SIL1: variants seen among roughly 807,000 people sequenced by gnomAD.
SIL1 encodes the protein SIL1 nucleotide exchange factor, also known as nucleotide exchange factor SIL1.
SIL1 carries 40 observed loss-of-function variants against 49.1 expected under a neutral mutation model. The ratio of observed to expected loss-of-function variants is 0.81; its 90% CI spans 0.63 to 1.06. The LOEUF is 1.06. Ranked by LOEUF, SIL1 falls within the 50% of genes least tolerant of loss-of-function variation. The pLI, the probability that SIL1 is intolerant of heterozygous loss-of-function variation, is 0.00. For synonymous variants in SIL1, 253 were observed against 250.8 expected (o/e 1.01, Z -0.08); for missense variants, 500 against 572.6 (o/e 0.87, Z 1.29).
At position 139,075,139 on chromosome 5, in the gene SIL1, A is replaced by C. The variant is rs561794910; in HGVS notation, c.245-24093T>G. ...TGCCTGGCCAGAATCTCTTTTTATG[A>C]GGTTATGTTTAATACTAAACACCCA... is the stretch of plus-strand genomic sequence containing the variant. On this transcript the variant is annotated intron_variant, in intron 3 of 9. Transcript: ENST00000394817. Among the ~76,000 whole-genome samples the C allele has an allele frequency of 9.9e-5, 15 of 152,224 alleles. No homozygotes were observed. In the East Asian group the frequency reaches 2.3e-3, roughly 23 times the overall value.
At chr5:139,152,603 A>G (rs1199331950) in intron 1 of SIL1, among the ~76,000 whole-genome samples, 1 of 150,692 alleles carries the variant, frequency 6.6e-6, no homozygotes, top group African/African-American at 2.4e-5. Context: ...CCTGGGTGAT[A>G]GAGTGAGACA....
intron 3 of SIL1, among the ~76,000 whole-genome samples, chr5:139,086,648 C>T (rs775411041): frequency 3.6e-4 from 55 of 151,934 alleles, no homozygotes; most frequent in Non-Finnish European, 6.9e-4. Context: ...TAAGCCACCG[C>T]GCCTGGCCAT....
intron 5 of SIL1, chr5:139,035,212 C>T (rs1768875715): frequency 2.3e-6 from 1 of 434,774 alleles, no homozygotes; most frequent in Non-Finnish European, 4.5e-6. Context: ...AGGTGACGGC[C>T]ATCAACACTG....
intron 3 of SIL1, among the ~76,000 whole-genome samples, chr5:139,089,719 A>T (rs1770300848): frequency 6.6e-6 from 1 of 152,216 alleles, no homozygotes; most frequent in South Asian, 2.1e-4. Context: ...TCATGTATGT[A>T]TGACTCCATT....
chr5:139,095,313 G>GA (rs1313604398), intron 3 of SIL1, among the ~76,000 whole-genome samples: 5 of 149,512 alleles, frequency 3.3e-5, no homozygotes, highest in Non-Finnish European at 4.4e-5. Flanking sequence ...TCCCAGGCTG[G>GA]AGTACGGTGG....
intron 6 of SIL1, among the ~76,000 whole-genome samples, chr5:139,026,570 T>C (rs772614239): frequency 6.6e-6 from 1 of 152,154 alleles, no homozygotes. Flanking sequence ...GCCACTGCAC[T>C]CCAGGCTGGG....
intron 1 of SIL1, among the ~76,000 whole-genome samples, chr5:139,146,701 A>C (rs996444944): frequency 1.3e-5 from 2 of 152,186 alleles, no homozygotes; most frequent in African/African-American, 2.4e-5. Flanking sequence ...TTTATCATGA[A>C]TGTGTGTTAA....
At chr5:139,187,983 TGCC>T (rs1752104835) in intron 1 of SIL1, 7 of 153,032 alleles carry the variant, frequency 4.6e-5, no homozygotes, top group Non-Finnish European at 8.8e-5. Flanking sequence ...ATGTAAGACG[TGCC>T]AGCTTCCCCT....
chr5:138,963,516 C>T (rs550744533), intron 7 of SIL1, among the ~76,000 whole-genome samples: 2 of 152,182 alleles, frequency 1.3e-5, no homozygotes, highest in Non-Finnish European at 2.9e-5. Flanking sequence ...CGGTCTATAG[C>T]TGAAAATGAC....
chr5:139,056,510 C>G (rs1189485659), intron 3 of SIL1, among the ~76,000 whole-genome samples: 30 of 147,492 alleles, frequency 2.0e-4, no homozygotes, highest in Admixed American at 1.9e-3. Context: ...GGGGGTCAGC[C>G]CCCCGCCAGG....
rs201224604 is a variant in SIL1 at position 139,112,288 on chromosome 5, G to A, written c.244+8747C>T. ...CCACCCCGTCCGAGAAGTGAGGAGC[G>A]TCTCTGCCTGGCCGCCCATCATCTG... On this transcript the variant is annotated intron_variant, in intron 3 of 9. Transcript: ENST00000394817. Among the ~76,000 whole-genome samples the A allele has an allele frequency of 2.9e-4, 44 of 152,008 alleles. No individual in the cohort carries two copies. The East Asian group carries it at 7.8e-3, about 27-fold the overall frequency.
At chr5:138,954,551 G>A (rs1261787018) in intron 7 of SIL1, among the ~76,000 whole-genome samples, 1 of 152,278 alleles carries the variant, frequency 6.6e-6, no homozygotes, top group Non-Finnish European at 1.5e-5. Context: ...CACAGCAGAG[G>A]AAGAGGGGGA....
At chr5:138,963,381 A>T (rs1402646155) in intron 7 of SIL1, among the ~76,000 whole-genome samples, 1 of 152,184 alleles carries the variant, frequency 6.6e-6, no homozygotes, top group Non-Finnish European at 1.5e-5. Flanking sequence ...CTGTGTGAAA[A>T]ATCATCTCCT....
intron 4 of SIL1, among the ~76,000 whole-genome samples, chr5:139,049,469 G>A (rs1295876223): frequency 1.3e-5 from 2 of 149,826 alleles, no homozygotes; most frequent in African/African-American, 2.4e-5. Flanking sequence ...GAGCCACCAC[G>A]CCCGACCTGC....
chr5:139,112,635 G>C (rs1216504694), intron 3 of SIL1, among the ~76,000 whole-genome samples: 3 of 149,128 alleles, frequency 2.0e-5, no homozygotes, highest in Admixed American at 1.3e-4. Context: ...GAGGGAGGTG[G>C]GGGCCAGCCC....
intron 7 of SIL1, among the ~76,000 whole-genome samples, chr5:138,992,205 G>A (rs1767774708): frequency 6.6e-6 from 1 of 152,188 alleles, no homozygotes; most frequent in South Asian, 2.1e-4. Context: ...ATATCCTCCA[G>A]ATATCCAAGT....
rs572034979 is a variant in SIL1 at position 139,023,234 on chromosome 5, CT to C, written c.646-1943del. 1.5e-3 allele frequency among the ~76,000 whole-genome samples: 233 copies of C among 152,312 alleles called. 1 individual carries two copies. Among genetic ancestry groups the C allele is most frequent in the Admixed American group, 3.7e-3 (56 of 15,298 alleles). ...TGCACATCAAAAGCTGGGCCCCCCCCTGGTGACATACAGGAGAAACCATGAC... is the reference window on the plus strand; with the variant it reads ...TGCACATCAAAAGCTGGGCCCCCCCCGGTGACATACAGGAGAAACCATGAC... On this transcript the variant is annotated intron_variant, in intron 6 of 9. Transcript: ENST00000394817.
At chr5:139,022,371 G>A (rs1419755641) in intron 6 of SIL1, 3 of 152,214 alleles carry the variant, frequency 2.0e-5, no homozygotes, top group Non-Finnish European at 4.4e-5. Context: ...GTATTTGACT[G>A]TGCTAGTGTT....
chr5:139,175,820 G>A (rs1407227476), intron 1 of SIL1, among the ~76,000 whole-genome samples: 1 of 152,124 alleles, frequency 6.6e-6, no homozygotes, highest in Non-Finnish European at 1.5e-5. Flanking sequence ...AAAATCAACT[G>A]AGCGTGGTGG....
Sources: gnomAD v4.1 joint callset for allele counts (sites outside exome capture counted in the v4.1 genomes callset) on GRCh38, gnomAD v4.1.1 for gene constraint, MANE v1.5 for transcripts, NCBI Gene and HGNC (gene_info 2026-07-23, HGNC 2026-07-21) for gene names.